Variants in MEGF11 observed in about 807,000 individuals in gnomAD.
The protein encoded by MEGF11 is multiple EGF like domains 11.
Under a neutral mutation model 146.6 loss-of-function variants are expected in MEGF11, and 126 were observed. That is an observed-to-expected ratio of 0.86 (90% CI 0.74 to 1.00). The LOEUF (loss-of-function observed/expected upper bound fraction) is 1.00, where lower values mean the gene tolerates loss of function less well. Among genes scored for constraint, MEGF11 ranks in the 50% least tolerant of loss-of-function variants. MEGF11 has a pLI of 0.00. For synonymous variants in MEGF11, 532 were observed against 583.4 expected (o/e 0.91, Z 1.27); for missense variants, 1,509 against 1,521.2 (o/e 0.99, Z 0.13).
intron 1 of MEGF11, among the ~76,000 whole-genome samples, chr15:66,174,974 G>A (rs1479693034): frequency 6.6e-6 from 1 of 152,098 alleles, no homozygotes; most frequent in Non-Finnish European, 1.5e-5. Flanking sequence ...AAATGAGATT[G>A]CTTTCTTGAT....
At chr15:65,973,437 G>A (rs2081358289) in intron 7 of MEGF11, among the ~76,000 whole-genome samples, 1 of 152,140 alleles carries the variant, frequency 6.6e-6, no homozygotes, top group Non-Finnish European at 1.5e-5. Context: ...CAATACACAT[G>A]TATATTAACA....
intron 4 of MEGF11, among the ~76,000 whole-genome samples, chr15:66,097,950 G>T (rs920215267): frequency 6.6e-6 from 1 of 152,122 alleles, no homozygotes; most frequent in Non-Finnish European, 1.5e-5. Context: ...GGGTCTGTTT[G>T]TCTGTCTGTG....
intron 1 of MEGF11, among the ~76,000 whole-genome samples, chr15:66,210,666 GGA>G (rs1184579138): frequency 1.3e-5 from 2 of 152,332 alleles, no homozygotes; most frequent in East Asian, 3.9e-4. Flanking sequence ...ATTTTAAAGG[GGA>G]GAGGGACTTT....
At chr15:66,121,952 C>T (rs755710689) in intron 3 of MEGF11, among the ~76,000 whole-genome samples, 2 of 152,058 alleles carry the variant, frequency 1.3e-5, no homozygotes, top group Non-Finnish European at 2.9e-5. Flanking sequence ...CAATATAATC[C>T]AAGATTACTA....
chr15:66,003,606 C>T (rs922889284), intron 5 of MEGF11, among the ~76,000 whole-genome samples: 16 of 152,112 alleles, frequency 1.1e-4, no homozygotes, highest in African/African-American at 3.1e-4. Context: ...CACCCCACTT[C>T]GAGTCCCCTC....
intron 5 of MEGF11, among the ~76,000 whole-genome samples, chr15:66,072,816 G>C (rs922548827): frequency 6.6e-6 from 1 of 152,178 alleles, no homozygotes; most frequent in Admixed American, 6.5e-5. Flanking sequence ...TGCCTGGCTC[G>C]CTCCAGCAGT....
chr15:66,016,632 C>T (rs559009740), intron 5 of MEGF11, among the ~76,000 whole-genome samples: 1 of 152,296 alleles, frequency 6.6e-6, no homozygotes, highest in South Asian at 2.1e-4. Context: ...TCCAAGCTGA[C>T]AGCTGAATAT....
intron 5 of MEGF11, among the ~76,000 whole-genome samples, chr15:66,001,183 T>C (rs2082355172): frequency 2.0e-5 from 3 of 152,116 alleles, no homozygotes; most frequent in Admixed American, 2.0e-4. Flanking sequence ...AGAGGCTCCC[T>C]GCTGCTCTCA....
At chr15:65,940,168 G>A (rs538112566) in intron 10 of MEGF11, among the ~76,000 whole-genome samples, 107 of 152,288 alleles carry the variant, frequency 7.0e-4, no homozygotes, top group African/African-American at 2.4e-3. Context: ...TTCTGCAGGC[G>A]GCCTGTAGTG....
intron 8 of MEGF11, among the ~76,000 whole-genome samples, chr15:65,968,945 G>A (rs968924883): frequency 3.9e-5 from 6 of 152,144 alleles, no homozygotes; most frequent in Non-Finnish European, 8.8e-5. Context: ...CGAAATTAAT[G>A]GAGGCAATTT....
At chr15:66,084,956 G>A (rs574766844) in intron 5 of MEGF11, among the ~76,000 whole-genome samples, 9 of 152,182 alleles carry the variant, frequency 5.9e-5, no homozygotes, top group African/African-American at 1.9e-4. Flanking sequence ...GCTGTTGCGC[G>A]AAGGTGGCGG....
At chr15:65,928,715 C>T (rs913481172) in intron 12 of MEGF11, among the ~76,000 whole-genome samples, 188 bp from the exon 13 acceptor site, 2 of 151,884 alleles carry the variant, frequency 1.3e-5, no homozygotes, top group Admixed American at 6.6e-5. Context: ...AATGGGGACA[C>T]GTTTTGTAAG....
At position 65,942,974 on chromosome 15, in the gene MEGF11, C is replaced by CTTTTTTTT. The variant is rs58874869; in HGVS notation, c.1288-12039_1288-12032dup. On this transcript the variant is annotated intron_variant, in intron 10 of 25. Coordinates refer to ENST00000395614, the MANE Select transcript of MEGF11 (RefSeq NM_001385028.1). ...AAACAAAAACAAAAAAACAACTTGG[C>CTTTTTTTT]TTTTTTTTTTTTTTTTTTTTTTTTT... Among the ~76,000 whole-genome samples the CTTTTTTTT allele has an allele frequency of 5.9e-4, 28 of 47,618 alleles. 2 individuals carry two copies. The highest frequency in any genetic ancestry group is 8.4e-4 in the Non-Finnish European group (24 of 28,644). 31.2% of individuals were successfully genotyped at this position (47,618 alleles called of 152,430 possible). A position where few individuals can be genotyped will look rare whatever the true frequency, so the allele number is the denominator to read the frequency against.
At chr15:66,008,437 A>G (rs6494542) in intron 5 of MEGF11, among the ~76,000 whole-genome samples, 52 of 142,980 alleles carry the variant, frequency 3.6e-4, no homozygotes, top group South Asian at 6.9e-4. Flanking sequence ...ACACACACAC[A>G]CACACACACA....
intron 4 of MEGF11, among the ~76,000 whole-genome samples, chr15:66,101,041 G>T (rs901623209): frequency 2.0e-5 from 3 of 146,618 alleles, no homozygotes; most frequent in Admixed American, 2.0e-4. Flanking sequence ...GTGAGCAGGC[G>T]GGTGAGTGAG....
chr15:66,031,664 G>T (rs1250266694), intron 5 of MEGF11, among the ~76,000 whole-genome samples: 1 of 152,308 alleles, frequency 6.6e-6, no homozygotes, highest in South Asian at 2.1e-4. Flanking sequence ...TCCACATTCT[G>T]CCACCAATTC....
chr15:65,946,870 T>C lies in MEGF11; in HGVS notation c.1287+10677A>G, dbSNP rs545786995. Among the ~76,000 whole-genome samples the C allele has an allele frequency of 8.3e-4, 127 of 152,162 alleles. 3 individuals carry two copies. Among genetic ancestry groups the C allele is most frequent in the Non-Finnish European group, 1.3e-3 (85 of 67,982 alleles). Reference sequence around the variant, plus strand: ...GCCCACCTGCTCTGCTCCCACTCTTTTCCTTCCACTCCCTCCCTACACCCT... The same window carrying C: ...GCCCACCTGCTCTGCTCCCACTCTTCTCCTTCCACTCCCTCCCTACACCCT... On this transcript the variant is annotated intron_variant, in intron 10 of 25. Transcript: ENST00000395614.
intron 3 of MEGF11, among the ~76,000 whole-genome samples, chr15:66,122,638 A>T (rs957063656): frequency 6.6e-6 from 1 of 152,180 alleles, no homozygotes; most frequent in Non-Finnish European, 1.5e-5. Context: ...TCACCCTTCA[A>T]ATAGTGTCGC....
At chr15:66,167,748 C>T (rs1217850404) in intron 1 of MEGF11, among the ~76,000 whole-genome samples, 1 of 152,236 alleles carries the variant, frequency 6.6e-6, no homozygotes, top group Non-Finnish European at 1.5e-5. Flanking sequence ...TAGCTAGGAA[C>T]TGGAGCTGAA....
Sources: gnomAD v4.1 joint callset for allele counts (sites outside exome capture counted in the v4.1 genomes callset) on GRCh38, gnomAD v4.1.1 for gene constraint, MANE v1.5 for transcripts, NCBI Gene and HGNC (gene_info 2026-07-23, HGNC 2026-07-21) for gene names.